The following TOGARAM2 variants were observed in gnomAD, a reference collection of about 807,000 sequenced individuals.
TOGARAM2 encodes TOG array regulator of axonemal microtubules protein 2.
A neutral mutation model predicts 93.3 loss-of-function variants in TOGARAM2; 85 were observed. That is an observed-to-expected ratio of 0.91 (90% CI 0.76 to 1.09). TOGARAM2 has a LOEUF of 1.09. Ranked by LOEUF, TOGARAM2 falls within the 50% of genes least tolerant of loss-of-function variation. TOGARAM2 has a pLI of 0.00. For missense variants in TOGARAM2, 1,277 were observed against 1,334.5 expected (o/e 0.96, Z 0.67); for synonymous variants, 593 against 552.8 (o/e 1.07, Z -1.02).
At chr2:29,039,214 G>A (rs113047248) in intron 18 of TOGARAM2, among the ~76,000 whole-genome samples, 1,789 of 152,210 alleles carry the variant, frequency 0.012, 14 homozygotes, top group Middle Eastern at 0.048. Flanking sequence ...GGCTTGGATC[G>A]GACATGATCC....
At chr2:29,049,842 T>A (rs1666966573) in intron 19 of TOGARAM2, 1 of 152,144 alleles carries the variant, frequency 6.6e-6, no homozygotes, top group African/African-American at 2.4e-5. Context: ...CCTCGGAGGT[T>A]CCCTGCAAGA....
At position 29,017,243 on chromosome 2, in the gene TOGARAM2, C is replaced by T. The variant is rs1402959892; in HGVS notation, c.1134C>T (p.Pro378=). ...EMELLRRLEE[P]RTGQELTSQC... The stretch of plus-strand genomic sequence containing the variant: ...AGCTGCTTCGGAGGCTGGAGGAGCC[C>T]AGGACAGGGCAGGAGCTCACTTCCC... The change falls in exon 9 of 20, where the codon CCC becomes CCT. Residue 378 remains proline, a synonymous_variant. Transcript: ENST00000379558. 1.2e-5 allele frequency: 20 copies of T among 1,613,874 alleles called. No individual in the cohort carries two copies. The highest frequency in any genetic ancestry group is 1.7e-5 in the Non-Finnish European group (20 of 1,179,840).
chr2:29,051,775 C>A lies in TOGARAM2; in HGVS notation c.2742C>A (p.Tyr914Ter), dbSNP rs1371009348. 1.3e-6 allele frequency: 2 copies of A among 1,520,716 alleles called. No individual in the cohort carries two copies. Among genetic ancestry groups the A allele is most frequent in the South Asian group, 2.5e-5 (2 of 79,446 alleles). The allele number at this position is 1,520,716 out of a possible 1,614,324, so 94.2% of individuals were successfully genotyped here. A position where few individuals can be genotyped will look rare whatever the true frequency, so the allele number is the denominator to read the frequency against. The change falls in exon 20 of 20, where the codon TAC becomes TAA. Residue 914 changes from tyrosine to a stop codon, truncating the protein, a stop_gained. Transcript: ENST00000379558. LOFTEE classifies it low-confidence loss of function (END_TRUNC). ...TGACAGTGCTGGTGGCCTCAGTTTACCCCCGGAAGCCTCAAGCTGTAGAGC... is the reference window on the plus strand; with the variant it reads ...TGACAGTGCTGGTGGCCTCAGTTTAACCCCGGAAGCCTCAAGCTGTAGAGC... The part of the protein sequence containing the change: ...DRLAVLVASV[Y>*]PRKPQAVERH...
intron 3 of TOGARAM2, among the ~76,000 whole-genome samples, chr2:28,998,809 T>A (rs1186515165): frequency 2.0e-5 from 3 of 152,160 alleles, no homozygotes; most frequent in African/African-American, 7.2e-5. Flanking sequence ...CTCCTTGTAG[T>A]CTGTGCTTGG....
chr2:29,003,764 C>A, intron 6 of TOGARAM2, 82 bp downstream of exon 6: 4 of 1,265,732 alleles, frequency 3.2e-6, no homozygotes, highest in Middle Eastern at 2.6e-4. Flanking sequence ...TTGTGGCTGA[C>A]CCTCCATGCT....
At chr2:28,962,531 T>A (rs1336800255) in intron 1 of TOGARAM2, among the ~76,000 whole-genome samples, 2 of 152,142 alleles carry the variant, frequency 1.3e-5, no homozygotes, top group African/African-American at 2.4e-5. Flanking sequence ...TTTTTGAGAT[T>A]GATTGATGTT....
intron 6 of TOGARAM2, among the ~76,000 whole-genome samples, chr2:29,004,958 G>T (rs1673572184): frequency 7.4e-6 from 1 of 134,804 alleles, no homozygotes; most frequent in Non-Finnish European, 1.5e-5. Flanking sequence ...GTGTGCATGT[G>T]TATGTGTGTG....
Position 29,026,959 on chromosome 2 carries a change from A to G in TOGARAM2, c.1960A>G (p.Met654Val), listed in dbSNP as rs753608056. The G allele has an allele frequency of 3.2e-6, 5 of 1,570,066 alleles. No individual in the cohort carries two copies. The Admixed American group carries it at 5.6e-5, about 18-fold the overall frequency. ...LLSGTRDSTD[M>V]LVHNLVRLAQ... ...CTCGGGCACCAGAGACAGCACAGAC[A>G]TGTTGGTGCACAACCTGGTGAGGCT... Residue 654 changes from methionine (M) to valine (V), a missense_variant, in exon 14 of 20, where the codon ATG (methionine) becomes GTG (valine). Physicochemically the swap from Met to Val is conservative, Grantham distance 21 (BLOSUM62 1). Coordinates refer to ENST00000379558, the MANE Select transcript of TOGARAM2 (RefSeq NM_199280.4).
Position 29,051,991 on chromosome 2 carries a change from C to T in TOGARAM2, c.2958C>T (p.Leu986=), listed in dbSNP as rs1409559501. The T allele has an allele frequency of 2.5e-6, 4 of 1,613,254 alleles. No individual in the cohort carries two copies. The African/African-American group carries it at 5.3e-5, about 22-fold the overall frequency. ...ACGTCCTCAAGACGCTCCAGGAACT[C>T]TTAGACTCAGAGTCCTTGGGAGGCA... ...PKHVLKTLQE[L]LDSESLGGSR... Residue 986 remains leucine, a synonymous_variant, in exon 20 of 20, where the codon CTC becomes CTT. Coordinates refer to ENST00000379558, the MANE Select transcript of TOGARAM2 (RefSeq NM_199280.4).
intron 1 of TOGARAM2, among the ~76,000 whole-genome samples, chr2:28,957,199 T>C (rs115259290): frequency 0.01 from 1,593 of 152,186 alleles, 29 homozygotes; most frequent in African/African-American, 0.035. Flanking sequence ...TGATTTCTTT[T>C]TGTTTGTTTG....
chr2:28,963,932 A>G (rs996648880), intron 1 of TOGARAM2, among the ~76,000 whole-genome samples: 2 of 152,124 alleles, frequency 1.3e-5, no homozygotes, highest in African/African-American at 4.8e-5. Flanking sequence ...GCTTGAACCC[A>G]GGAGGTGGAG....
chr2:28,968,442 C>T (rs942158609), intron 1 of TOGARAM2, among the ~76,000 whole-genome samples: 3 of 152,190 alleles, frequency 2.0e-5, no homozygotes, highest in Admixed American at 1.3e-4. Context: ...CTCCACTCCC[C>T]GCAGCGGAGG....
intron 14 of TOGARAM2, among the ~76,000 whole-genome samples, chr2:29,027,491 G>A (rs1038396270): frequency 1.3e-5 from 2 of 152,112 alleles, no homozygotes; most frequent in African/African-American, 2.4e-5. Context: ...TAGGCCGGAT[G>A]TGGTTGTTCA....
At position 29,003,966 on chromosome 2, in the gene TOGARAM2, G is replaced by A. The variant is rs374921977; in HGVS notation, c.830+284G>A. The stretch of plus-strand genomic sequence containing the variant: ...CAGTGCCTTAGTGGATGAGGTTGCC[G>A]GAGTAATGAATAAAACACTAATTAT... On this transcript the variant is annotated intron_variant, in intron 6 of 19. Coordinates refer to ENST00000379558, the MANE Select transcript of TOGARAM2 (RefSeq NM_199280.4). 2.6e-5 allele frequency among the ~76,000 whole-genome samples: 4 copies of A among 152,200 alleles called. No individual in the cohort carries two copies. The East Asian group carries it at 5.8e-4, about 22-fold the overall frequency.
At chr2:28,968,853 A>G (rs1235193787) in intron 1 of TOGARAM2, among the ~76,000 whole-genome samples, 2 of 144,824 alleles carry the variant, frequency 1.4e-5, no homozygotes, top group African/African-American at 2.5e-5. Flanking sequence ...AGGAAAAAGA[A>G]AAAAGCGCAT....
chr2:29,041,150 G>A (rs541916913), intron 18 of TOGARAM2, among the ~76,000 whole-genome samples: 4 of 151,148 alleles, frequency 2.6e-5, no homozygotes, highest in African/African-American at 4.9e-5. Flanking sequence ...TCAGCCTCCC[G>A]AGTAGCTGGG....
chr2:29,027,246 C>A (rs1164072603), intron 14 of TOGARAM2, among the ~76,000 whole-genome samples: 1 of 152,188 alleles, frequency 6.6e-6, no homozygotes. Flanking sequence ...CCCCTCTTAC[C>A]CATTGAGTGT....
intron 6 of TOGARAM2, among the ~76,000 whole-genome samples, chr2:29,007,663 A>G (rs778200991): frequency 2.3e-4 from 35 of 151,886 alleles, no homozygotes; most frequent in Non-Finnish European, 4.1e-4. Context: ...CTTTGCCTGT[A>G]TTGACATTCC....
chr2:28,988,468 C>T (rs1243351176), intron 1 of TOGARAM2, among the ~76,000 whole-genome samples: 1 of 152,146 alleles, frequency 6.6e-6, no homozygotes, highest in South Asian at 2.1e-4. Flanking sequence ...CAGCCTGTGC[C>T]CTTCTCCCTC....
Sources: allele counts gnomAD v4.1 joint callset (sites outside exome capture counted in the v4.1 genomes callset), GRCh38; gene constraint gnomAD v4.1.1; transcripts MANE v1.5; gene names NCBI Gene and HGNC (gene_info 2026-07-23, HGNC 2026-07-21).